Variants in PCGF5 observed in about 807,000 individuals in gnomAD.
PCGF5 encodes the protein polycomb group ring finger 5.
PCGF5 carries 9 observed loss-of-function variants against 44.3 expected under a neutral mutation model. The observed-to-expected ratio is 0.20, with a 90% CI of 0.12 to 0.35. PCGF5 has a LOEUF of 0.35. Among genes scored for constraint, PCGF5 ranks in the 10% least tolerant of loss-of-function variants. The pLI is 1.00. For missense variants in PCGF5, 146 were observed against 305.3 expected (o/e 0.48, Z 3.89); for synonymous variants, 95 against 102.5 (o/e 0.93, Z 0.44).
intron 9 of PCGF5, among the ~76,000 whole-genome samples, chr10:91,272,629 C>T (rs1334438867): frequency 6.6e-6 from 1 of 151,886 alleles, no homozygotes; most frequent in Non-Finnish European, 1.5e-5. Context: ...AAAAATTAGC[C>T]GGGTGTGGTG....
chr10:91,162,886 C>A, upstream of PCGF5: 1 of 148,106 alleles, frequency 6.8e-6, no homozygotes, highest in South Asian at 1.8e-4. Context: ...CCAGCGCCGC[C>A]GCCGCCGCCG....
chr10:91,172,869 A>G (rs1013457905), intron 1 of PCGF5, among the ~76,000 whole-genome samples: 1 of 152,250 alleles, frequency 6.6e-6, no homozygotes, highest in African/African-American at 2.4e-5. Context: ...ATGCCATGAC[A>G]GGGACTACTA....
intron 8 of PCGF5, among the ~76,000 whole-genome samples, chr10:91,266,123 G>A (rs1159654671): frequency 6.6e-6 from 1 of 152,180 alleles, no homozygotes; most frequent in Non-Finnish European, 1.5e-5. Flanking sequence ...CAATACTGTT[G>A]AGGAATGGAT....
chr10:91,266,437 T>C (rs1846049908), intron 8 of PCGF5, among the ~76,000 whole-genome samples: 1 of 152,210 alleles, frequency 6.6e-6, no homozygotes, highest in Non-Finnish European at 1.5e-5. Context: ...CTAATTACCT[T>C]TCTGATTACA....
intron 3 of PCGF5, among the ~76,000 whole-genome samples, chr10:91,244,929 G>T (rs1845421390): frequency 8.5e-6 from 1 of 117,212 alleles, no homozygotes; most frequent in Non-Finnish European, 1.7e-5. Flanking sequence ...AAGAGAGGAA[G>T]GTAAGTGGAT....
intron 1 of PCGF5, among the ~76,000 whole-genome samples, chr10:91,188,550 C>T (rs577345854): frequency 6.6e-6 from 1 of 152,178 alleles, no homozygotes; most frequent in South Asian, 2.1e-4. Context: ...GAATCTTCTC[C>T]CTTATGTACC....
intron 8 of PCGF5, among the ~76,000 whole-genome samples, chr10:91,270,223 C>A (rs769854005): frequency 5.3e-5 from 8 of 152,170 alleles, no homozygotes; most frequent in African/African-American, 1.9e-4. Flanking sequence ...CTTTTCCCAG[C>A]TCATCCTGAT....
chr10:91,164,518 A>G (rs1843462176), intron 1 of PCGF5, among the ~76,000 whole-genome samples: 1 of 152,234 alleles, frequency 6.6e-6, no homozygotes, highest in Non-Finnish European at 1.5e-5. Context: ...AATTGCGTCT[A>G]CCTAACTGGT....
At chr10:91,229,962 A>C (rs1844955355) in intron 2 of PCGF5, among the ~76,000 whole-genome samples, 1 of 152,192 alleles carries the variant, frequency 6.6e-6, no homozygotes, top group African/African-American at 2.4e-5. Context: ...GAAAATGATT[A>C]TAATGTTCAT....
intron 6 of PCGF5, among the ~76,000 whole-genome samples, chr10:91,252,898 CT>C (rs1845654623): frequency 6.6e-6 from 1 of 151,964 alleles, no homozygotes; most frequent in Non-Finnish European, 1.5e-5. Context: ...TGTTGTTCTC[CT>C]TTTTGACATC....
At position 91,281,134 on chromosome 10, in the gene PCGF5, TTTCTC is replaced by T. The variant is rs1302058514; in HGVS notation, c.*2820_*2824del. Reference sequence around the variant, plus strand: ...AGAGAAATCAAAATATGTATGGCCTTTTCTCTAGATTAGCAAAACAGCTTTACAAA... The same window carrying T: ...AGAGAAATCAAAATATGTATGGCCTTTAGATTAGCAAAACAGCTTTACAAA... On this transcript the variant is annotated 3_prime_UTR_variant, in exon 10 of 10. Coordinates refer to ENST00000336126, the MANE Select transcript of PCGF5 (RefSeq NM_032373.5). The T allele has an allele frequency of 2.3e-4, 35 of 152,480 alleles. No homozygotes were observed. The highest frequency in any genetic ancestry group is 8.2e-4 in the African/African-American group (34 of 41,442). 9.4% of individuals were successfully genotyped at this position (152,480 alleles called of 1,614,324 possible).
At chr10:91,212,934 C>A (rs1254569740) in intron 1 of PCGF5, among the ~76,000 whole-genome samples, 1 of 152,094 alleles carries the variant, frequency 6.6e-6, no homozygotes, top group African/African-American at 2.4e-5. Context: ...AAAAATTGTA[C>A]AGCATATGTG....
chr10:91,230,310 A>T (rs1036449899), intron 2 of PCGF5, among the ~76,000 whole-genome samples: 1 of 152,208 alleles, frequency 6.6e-6, no homozygotes, highest in African/African-American at 2.4e-5. Flanking sequence ...CATGATCAGT[A>T]TACAGGTATG....
intron 1 of PCGF5, among the ~76,000 whole-genome samples, chr10:91,203,811 T>A (rs1025943998): frequency 1.3e-5 from 2 of 152,158 alleles, no homozygotes; most frequent in Non-Finnish European, 2.9e-5. Flanking sequence ...ATATAGGAAA[T>A]TTGTCAACAA....
intron 1 of PCGF5, among the ~76,000 whole-genome samples, chr10:91,196,388 T>A (rs1844135385): frequency 6.6e-6 from 1 of 152,254 alleles, no homozygotes; most frequent in Non-Finnish European, 1.5e-5. Context: ...AACCTGTGCA[T>A]GCACATTGAA....
chr10:91,211,962 T>C (rs958550211), intron 1 of PCGF5, among the ~76,000 whole-genome samples: 3 of 152,214 alleles, frequency 2.0e-5, no homozygotes, highest in African/African-American at 7.2e-5. Flanking sequence ...AAGGTTCCAC[T>C]CCTGCCTCCA....
intron 1 of PCGF5, among the ~76,000 whole-genome samples, chr10:91,166,458 A>T (rs757056634): frequency 5.9e-5 from 9 of 152,262 alleles, no homozygotes; most frequent in Non-Finnish European, 1.0e-4. Flanking sequence ...TTCTGACAAC[A>T]GAATTAGATA....
At chr10:91,205,996 T>A (rs1844340964) in intron 1 of PCGF5, among the ~76,000 whole-genome samples, 1 of 152,166 alleles carries the variant, frequency 6.6e-6, no homozygotes, top group African/African-American at 2.4e-5. Context: ...CACTCCGACC[T>A]GGGTGACGGA....
intron 3 of PCGF5, among the ~76,000 whole-genome samples, chr10:91,245,557 G>A (rs765039988): frequency 1.3e-5 from 2 of 152,042 alleles, no homozygotes; most frequent in Admixed American, 6.6e-5. Flanking sequence ...AAATAATGGC[G>A]TATTTGAAGG....
Sources: gnomAD v4.1 joint callset for allele counts (sites outside exome capture counted in the v4.1 genomes callset) on GRCh38, gnomAD v4.1.1 for gene constraint, MANE v1.5 for transcripts, NCBI Gene and HGNC (gene_info 2026-07-23, HGNC 2026-07-21) for gene names.